DOCK8: variants seen among roughly 807,000 people sequenced by gnomAD.
The protein encoded by DOCK8 is dedicator of cytokinesis protein 8.
In DOCK8, 141 loss-of-function variants were observed where a neutral mutation model predicts 245.6. That is an observed-to-expected ratio of 0.57 (90% CI 0.50 to 0.66). The LOEUF (loss-of-function observed/expected upper bound fraction) is 0.66, where lower values mean the gene tolerates loss of function less well. Ranked by LOEUF, DOCK8 falls within the 30% of genes least tolerant of loss-of-function variation. DOCK8 has a pLI of 0.00. For synonymous variants in DOCK8, 1,168 were observed against 970.2 expected (o/e 1.20, Z -3.79); for missense variants, 2,965 against 2,603.4 (o/e 1.14, Z -3.02).
chr9:421,224 G>A (rs2056263779), intron 32 of DOCK8, 146 bp downstream of exon 32: 1 of 1,153,064 alleles, frequency 8.7e-7, no homozygotes, highest in Admixed American at 2.0e-5. Context: ...GGGAGTCTGT[G>A]TGTGACATTT....
chr9:400,282 T>TCCACCACCACCACCA (rs1468209451), intron 26 of DOCK8, among the ~76,000 whole-genome samples: 1 of 16,674 alleles, frequency 6.0e-5, no homozygotes. Context: ...CACCACCACT[T>TCCACCACCACCACCA]CCTTCACCAC....
rs2056738575 is a variant in DOCK8 at position 432,154 on chromosome 9, TC to T, written c.4627-11del. 1 of 1,561,608 alleles carries T rather than the reference TC, an allele frequency of 6.4e-7. No homozygotes were observed. Among genetic ancestry groups the T allele is most frequent in the Non-Finnish European group, 8.7e-7 (1 of 1,144,276 alleles). On this transcript the variant is annotated splice_polypyrimidine_tract_variant and intron_variant, in intron 36 of 47. Transcript: ENST00000432829. The stretch of plus-strand genomic sequence containing the variant: ...ATTTACTTCATCTTTTTTTTTTTTT[TC>T]ACTGATGCAGAATTTTGCAAGAGTA...
intron 2 of DOCK8, chr9:273,149 G>C (rs2048212169): frequency 7.2e-6 from 7 of 976,620 alleles, no homozygotes; most frequent in Non-Finnish European, 1.2e-6. Context: ...GATAATTTGT[G>C]TGTTGCGTCA....
intron 28 of DOCK8, among the ~76,000 whole-genome samples, chr9:408,702 C>T (rs1024650355): frequency 3.3e-5 from 5 of 152,086 alleles, no homozygotes; most frequent in Non-Finnish European, 5.9e-5. Context: ...TTTACAATAG[C>T]GTAGTTTCTA....
intron 36 of DOCK8, among the ~76,000 whole-genome samples, chr9:430,643 C>G (rs1362316914): frequency 6.7e-6 from 1 of 148,460 alleles, no homozygotes. Flanking sequence ...GATTGTGCCA[C>G]TGTATTCCAG....
In DOCK8 at chr9:336,730, C is replaced by T; in HGVS notation, c.1422+12C>T. ...GCTTTTTCAAGCAGGTATCTCTTCA[C>T]ATTACAGTGTGTCTGGATTTTTCCC... is the stretch of plus-strand genomic sequence containing the variant. On this transcript the variant is annotated intron_variant, in intron 12 of 47. Coordinates refer to ENST00000432829, the MANE Select transcript of DOCK8 (RefSeq NM_203447.4). The T allele has an allele frequency of 6.2e-7, 1 of 1,613,920 alleles. No homozygotes were observed. Among genetic ancestry groups the T allele is most frequent in the Non-Finnish European group, 8.5e-7 (1 of 1,179,878 alleles).
chr9:305,592 A>G (rs1467928513), intron 5 of DOCK8, among the ~76,000 whole-genome samples: 1 of 152,154 alleles, frequency 6.6e-6, no homozygotes, highest in East Asian at 1.9e-4. Context: ...GCCAGTTGTC[A>G]TTATTCTTAT....
intron 12 of DOCK8, among the ~76,000 whole-genome samples, chr9:337,883 C>G (rs2051391802): frequency 6.6e-6 from 1 of 152,118 alleles, no homozygotes; most frequent in Non-Finnish European, 1.5e-5. Flanking sequence ...GGGCCGGGCG[C>G]AGTGGCTCAT....
chr9:253,402 G>A (rs1486118071), intron 1 of DOCK8, among the ~76,000 whole-genome samples: 2 of 152,080 alleles, frequency 1.3e-5, no homozygotes, highest in African/African-American at 4.8e-5. Flanking sequence ...CCTACTCAAA[G>A]CAACTTTCTT....
At chr9:389,787 G>A (rs564315107) in intron 23 of DOCK8, among the ~76,000 whole-genome samples, 21 of 152,186 alleles carry the variant, frequency 1.4e-4, no homozygotes, top group African/African-American at 4.3e-4. Flanking sequence ...AGGCCAAGGC[G>A]GGTGGATTGC....
chr9:400,091 CCA>C (rs2054734341), intron 26 of DOCK8, among the ~76,000 whole-genome samples: 9 of 102,976 alleles, frequency 8.7e-5, no homozygotes, highest in Admixed American at 3.0e-4. Context: ...ACCACCTCCA[CCA>C]TCACCACCAC....
chr9:416,298 C>T (rs553150485), intron 29 of DOCK8, among the ~76,000 whole-genome samples: 1 of 152,330 alleles, frequency 6.6e-6, no homozygotes, highest in African/African-American at 2.4e-5. Flanking sequence ...TGGCATGTGA[C>T]TTGTAGCCCA....
At chr9:410,170 T>A (rs941539424) in intron 28 of DOCK8, among the ~76,000 whole-genome samples, 17 of 152,152 alleles carry the variant, frequency 1.1e-4, no homozygotes, top group African/African-American at 4.1e-4. Flanking sequence ...GAATCCTAAG[T>A]GTAAAGTGCG....
chr9:372,929 C>T (rs955057733), intron 18 of DOCK8, among the ~76,000 whole-genome samples: 3 of 152,140 alleles, frequency 2.0e-5, no homozygotes, highest in Non-Finnish European at 4.4e-5. Flanking sequence ...CTTTGGGAGG[C>T]CGAGGCAGGC....
intron 1 of DOCK8, among the ~76,000 whole-genome samples, chr9:248,855 A>G (rs1211649995): frequency 6.6e-6 from 1 of 152,164 alleles, no homozygotes; most frequent in African/African-American, 2.4e-5. Context: ...CCTAACTCTG[A>G]AAAATAGAGA....
At position 418,221 on chromosome 9, in the gene DOCK8, C is replaced by T; in HGVS notation, c.3840+14C>T. On this transcript the variant is annotated intron_variant, in intron 30 of 47. Transcript: ENST00000432829. ...CTGTCTTCCTTGGTATGTTGGTGCA[C>T]ATGTGTCTGGTTGATTTTTCATTTC... is the stretch of plus-strand genomic sequence containing the variant. The T allele has an allele frequency of 6.2e-7, 1 of 1,614,002 alleles. No individual in the cohort carries two copies. The highest frequency in any genetic ancestry group is 8.5e-7 in the Non-Finnish European group (1 of 1,179,912).
chr9:221,898 T>C (rs1431860957), intron 1 of DOCK8, among the ~76,000 whole-genome samples: 4 of 152,016 alleles, frequency 2.6e-5, no homozygotes, highest in Non-Finnish European at 5.9e-5. Context: ...ATAGGCTGTA[T>C]AAAATCCTGT....
At chr9:463,443 G>C (rs771286272) in intron 46 of DOCK8, 74 bp from the exon 47 acceptor site, 257 of 1,571,522 alleles carry the variant, frequency 1.6e-4, no homozygotes, top group Non-Finnish European at 2.2e-4. Context: ...AAAATCGTAA[G>C]TAATTTCATT....
At chr9:227,554 C>G (rs4740660) in intron 1 of DOCK8, among the ~76,000 whole-genome samples, 23,858 of 152,158 alleles carry the variant, frequency 0.16, 2,198 homozygotes, top group East Asian at 0.4. Context: ...CAGCTGCCCT[C>G]TGAAGGCCTT....
Sources: allele counts gnomAD v4.1 joint callset (sites outside exome capture counted in the v4.1 genomes callset), GRCh38; gene constraint gnomAD v4.1.1; transcripts MANE v1.5; gene names NCBI Gene and HGNC (gene_info 2026-07-23, HGNC 2026-07-21).